Variants in PPARA observed in about 807,000 individuals in gnomAD.
PPARA encodes the protein peroxisome proliferator-activated receptor alpha.
PPARA carries 22 observed loss-of-function variants against 42.2 expected under a neutral mutation model. The ratio of observed to expected loss-of-function variants is 0.52; its 90% CI spans 0.37 to 0.74. The LOEUF (loss-of-function observed/expected upper bound fraction) is 0.74. PPARA is among the 30% of genes least tolerant of loss of function. PPARA has a pLI of 0.00. For missense variants in PPARA, 465 were observed against 608.2 expected (o/e 0.76, Z 2.48); for synonymous variants, 242 against 239.3 (o/e 1.01, Z -0.10).
At position 46,196,287 on chromosome 22, in the gene PPARA, T is replaced by A. The variant is rs1320030132; in HGVS notation, c.-42-2055T>A. ...GAAATAGCCTACCATTGTCTGGGAC[T>A]CACCCAGTTAGATTTGTTTGGACTC... On this transcript the variant is annotated intron_variant, in intron 3 of 8. Coordinates refer to ENST00000407236, the MANE Select transcript of PPARA (RefSeq NM_005036.6). This position sits in a 1 kb window ranked among gnomAD's most constrained non-coding sequence, Gnocchi z 5.6. Among the ~76,000 whole-genome samples the A allele has an allele frequency of 1.3e-5, 2 of 152,214 alleles. No individual in the cohort carries two copies. Among genetic ancestry groups the A allele is most frequent in the Admixed American group, 1.3e-4 (2 of 15,280 alleles).
At position 46,204,689 on chromosome 22, in the gene PPARA, C is replaced by T. The variant is rs2147442208; in HGVS notation, c.208+6098C>T. On this transcript the variant is annotated intron_variant, in intron 4 of 8. Transcript: ENST00000407236. The surrounding 1 kb of genome is among the most constrained non-coding windows in gnomAD (Gnocchi z 5.2). Reference sequence around the variant, plus strand: ...GTGATATTTCTGTTCAAAGCCTTTGCTCATTTTTTAATTGAGTTGCTTTTC... The same window carrying T: ...GTGATATTTCTGTTCAAAGCCTTTGTTCATTTTTTAATTGAGTTGCTTTTC... Among the ~76,000 whole-genome samples the T allele has an allele frequency of 6.6e-6, 1 of 152,204 alleles. No individual in the cohort carries two copies. Among genetic ancestry groups the T allele is most frequent in the East Asian group, 1.9e-4 (1 of 5,180 alleles).
intron 7 of PPARA, among the ~76,000 whole-genome samples, chr22:46,229,440 C>A (rs1300351442): frequency 1.3e-5 from 2 of 151,882 alleles, no homozygotes; most frequent in Non-Finnish European, 2.9e-5. Flanking sequence ...GTAATCCCAG[C>A]TACTCGGGAG....
chr22:46,195,265 C>A lies in PPARA; in HGVS notation c.-42-3077C>A, dbSNP rs974313039. Among the ~76,000 whole-genome samples the A allele has an allele frequency of 1.3e-5, 2 of 152,144 alleles. No homozygotes were observed. The highest frequency in any genetic ancestry group is 2.9e-5 in the Non-Finnish European group (2 of 68,038). On this transcript the variant is annotated intron_variant, in intron 3 of 8. Transcript: ENST00000407236. This position sits in a 1 kb window ranked among gnomAD's most constrained non-coding sequence, Gnocchi z 4.6. ...TAATACAGTTAGTTAGTGACTGCAACTTTTGAACTTTTTGTTCATAGTGAA... is the reference window on the plus strand; with the variant it reads ...TAATACAGTTAGTTAGTGACTGCAAATTTTGAACTTTTTGTTCATAGTGAA...
In PPARA at chr22:46,234,935, G is replaced by A. The variant is rs148369083; in HGVS notation, c.1160-198G>A. 6.6e-6 allele frequency among the ~76,000 whole-genome samples: 1 copy of A among 152,278 alleles called. No homozygotes were observed. The highest frequency in any genetic ancestry group is 2.4e-5 in the African/African-American group (1 of 41,566). On this transcript the variant is annotated intron_variant, in intron 8 of 8. Transcript: ENST00000407236. The surrounding 1 kb of genome is among the most constrained non-coding windows in gnomAD (Gnocchi z 5.8). ...TATGAATATTTAGGAAAGAGTACTG[G>A]TCCTGTCTGTCCCTACTTCACCTAT...
chr22:46,187,719 C>T lies in PPARA; in HGVS notation c.-42-10623C>T, dbSNP rs933087295. Among the ~76,000 whole-genome samples the T allele has an allele frequency of 2.6e-5, 4 of 152,210 alleles. No individual in the cohort carries two copies. The highest frequency in any genetic ancestry group is 9.6e-5 in the African/African-American group (4 of 41,458). On this transcript the variant is annotated intron_variant, in intron 3 of 8. Coordinates refer to ENST00000407236, the MANE Select transcript of PPARA (RefSeq NM_005036.6). The surrounding 1 kb of genome is among the most constrained non-coding windows in gnomAD (Gnocchi z 4.9). Reference sequence around the variant, plus strand: ...GGGATTAACAATGTGCCATGATTGGCACTGCTGGCCTCTCCTACCTCTGCA... The same window carrying T: ...GGGATTAACAATGTGCCATGATTGGTACTGCTGGCCTCTCCTACCTCTGCA...
intron 4 of PPARA, among the ~76,000 whole-genome samples, chr22:46,202,091 G>A (rs1282501411): frequency 2.0e-5 from 3 of 151,984 alleles, no homozygotes; most frequent in Non-Finnish European, 4.4e-5. Flanking sequence ...GAGTGGGTGG[G>A]TGTGTGGCTC....
intron 7 of PPARA, among the ~76,000 whole-genome samples, chr22:46,228,784 A>AT (rs1156978636): frequency 6.6e-6 from 1 of 151,882 alleles, no homozygotes; most frequent in African/African-American, 2.4e-5. Context: ...AGTGTTTCTT[A>AT]TTTTTTTAAA....
rs768647025 is a variant in PPARA, at chr22:46,218,361, T to C, written c.468T>C (p.Cys156=). ...AGAACAGAAACAAATGCCAGTATTG[T>C]CGATTTCACAAGTGCCTTTCTGTCG... is the stretch of plus-strand genomic sequence containing the variant. ...QKKNRNKCQY[C]RFHKCLSVGM... The change falls in exon 6 of 9, where the codon TGT becomes TGC. Residue 156 remains cysteine, a synonymous_variant. Coordinates refer to ENST00000407236, the MANE Select transcript of PPARA (RefSeq NM_005036.6). 1.2e-5 allele frequency: 19 copies of C among 1,614,014 alleles called. No individual in the cohort carries two copies. The highest frequency in any genetic ancestry group is 1.5e-5 in the Non-Finnish European group (18 of 1,180,038).
At position 46,196,019 on chromosome 22, in the gene PPARA, C is replaced by T. The variant is rs573849406; in HGVS notation, c.-42-2323C>T. ...CTGGGCAAAGGTGCAGACGTGGAAT[C>T]CTGAAAGCAATTCTCAGCGCTGCTG... is the stretch of plus-strand genomic sequence containing the variant. On this transcript the variant is annotated intron_variant, in intron 3 of 8. Transcript: ENST00000407236. The surrounding 1 kb of genome is among the most constrained non-coding windows in gnomAD (Gnocchi z 5.6). Among the ~76,000 whole-genome samples the T allele has an allele frequency of 2.0e-5, 3 of 151,994 alleles. No homozygotes were observed. The South Asian group carries it at 6.2e-4, about 32-fold the overall frequency.
intron 3 of PPARA, among the ~76,000 whole-genome samples, chr22:46,185,942 T>A (rs568901674): frequency 3.5e-4 from 17 of 48,888 alleles, no homozygotes; most frequent in African/African-American, 4.9e-4. Flanking sequence ...TATATATATA[T>A]ATATATATAT....
rs1933029754 is a variant in PPARA, at chr22:46,204,359, C to T, written c.208+5768C>T. On this transcript the variant is annotated intron_variant, in intron 4 of 8. Transcript: ENST00000407236. This position sits in a 1 kb window ranked among gnomAD's most constrained non-coding sequence, Gnocchi z 5.2. ...TGCTTTCATTTCTTTTGAATAAATA[C>T]CTAGGAGTATGACGGCTGGAACAGA... is the stretch of plus-strand genomic sequence containing the variant. 6.6e-6 allele frequency among the ~76,000 whole-genome samples: 1 copy of T among 152,182 alleles called. No individual in the cohort carries two copies. Among genetic ancestry groups the T allele is most frequent in the South Asian group, 2.1e-4 (1 of 4,832 alleles).
At chr22:46,206,440 C>G (rs1933317771) in intron 4 of PPARA, among the ~76,000 whole-genome samples, 1 of 152,132 alleles carries the variant, frequency 6.6e-6, no homozygotes, top group African/African-American at 2.4e-5. Flanking sequence ...TAAGATTCCA[C>G]TTTATCTCCT....
rs777495697 is a variant in PPARA at position 46,162,976 on chromosome 22, G to A, written c.-127+11006G>A. On this transcript the variant is annotated intron_variant, in intron 2 of 8. Transcript: ENST00000407236. The surrounding 1 kb of genome is among the most constrained non-coding windows in gnomAD (Gnocchi z 6.0). ...ACTGCGTGCCAGGCACTGTCCTGCT[G>A]TGGAAAACAGCAGGCATGATTCCCT... is the stretch of plus-strand genomic sequence containing the variant. 6.6e-6 allele frequency among the ~76,000 whole-genome samples: 1 copy of A among 152,238 alleles called. No homozygotes were observed. The highest frequency in any genetic ancestry group is 1.5e-5 in the Non-Finnish European group (1 of 68,048).
rs1734047361 is a variant in PPARA at position 46,193,470 on chromosome 22, A to G, written c.-42-4872A>G. On this transcript the variant is annotated intron_variant, in intron 3 of 8. Coordinates refer to ENST00000407236, the MANE Select transcript of PPARA (RefSeq NM_005036.6). This position sits in a 1 kb window ranked among gnomAD's most constrained non-coding sequence, Gnocchi z 5.3. ...TGGATTGTTGTAACTGAAAGGATCA[A>G]TGCTTGAGGGCACAGCTACCCCATT... Among the ~76,000 whole-genome samples, 1 of 152,234 alleles carries G rather than the reference A, an allele frequency of 6.6e-6. No homozygotes were observed. The highest frequency in any genetic ancestry group is 2.4e-5 in the African/African-American group (1 of 41,466).
In PPARA at chr22:46,182,013, A is replaced by T. The variant is rs780654931; in HGVS notation, c.-43+5177A>T. Reference sequence around the variant, plus strand: ...ACCACCACGCCTGGCTAATTTTTTTAAATTTTATTTTTAGTAGAGACGGGG... The same window carrying T: ...ACCACCACGCCTGGCTAATTTTTTTTAATTTTATTTTTAGTAGAGACGGGG... On this transcript the variant is annotated intron_variant, in intron 3 of 8. Coordinates refer to ENST00000407236, the MANE Select transcript of PPARA (RefSeq NM_005036.6). The surrounding 1 kb of genome is among the most constrained non-coding windows in gnomAD (Gnocchi z 5.2). Among the ~76,000 whole-genome samples, 56 of 152,120 alleles carry T rather than the reference A, an allele frequency of 3.7e-4. No individual in the cohort carries two copies. The highest frequency in any genetic ancestry group is 6.3e-4 in the Non-Finnish European group (43 of 68,016).
At position 46,232,540 on chromosome 22, in the gene PPARA, C is replaced by T. The variant is rs944439646; in HGVS notation, c.1159+301C>T. On this transcript the variant is annotated intron_variant, in intron 8 of 8. Coordinates refer to ENST00000407236, the MANE Select transcript of PPARA (RefSeq NM_005036.6). This position sits in a 1 kb window ranked among gnomAD's most constrained non-coding sequence, Gnocchi z 5.3. ...GGGTGCACACCTTTAGTCCCAGCTA[C>T]TTACTCAGTAGACTGAGGCAAAAGG... Among the ~76,000 whole-genome samples the T allele has an allele frequency of 6.6e-6, 1 of 151,988 alleles. No homozygotes were observed. Among genetic ancestry groups the T allele is most frequent in the Non-Finnish European group, 1.5e-5 (1 of 68,012 alleles).
chr22:46,170,790 T>C (rs1346085730), intron 2 of PPARA, among the ~76,000 whole-genome samples: 1 of 151,604 alleles, frequency 6.6e-6, no homozygotes. Flanking sequence ...CTGAGCACTT[T>C]GGAGAGGAAA....
Position 46,216,528 on chromosome 22 carries a change from A to T in PPARA, c.369+1195A>T, listed in dbSNP as rs915319474. 6.6e-6 allele frequency among the ~76,000 whole-genome samples: 1 copy of T among 152,156 alleles called. No homozygotes were observed. Among genetic ancestry groups the T allele is most frequent in the Non-Finnish European group, 1.5e-5 (1 of 68,004 alleles). On this transcript the variant is annotated intron_variant, in intron 5 of 8. Coordinates refer to ENST00000407236, the MANE Select transcript of PPARA (RefSeq NM_005036.6). This position sits in a 1 kb window ranked among gnomAD's most constrained non-coding sequence, Gnocchi z 4.5. The stretch of plus-strand genomic sequence containing the variant: ...AGGTGTTCTCATGCTCCTGCCAGGG[A>T]AATTGGCCATCAGAGACACAGAGTA...
intron 4 of PPARA, among the ~76,000 whole-genome samples, chr22:46,209,810 A>G (rs1933742995): frequency 6.6e-6 from 1 of 152,158 alleles, no homozygotes; most frequent in African/African-American, 2.4e-5. Context: ...CAGTGGCATG[A>G]TCACAGCTCA....
Sources: gnomAD v4.1 joint callset for allele counts (sites outside exome capture counted in the v4.1 genomes callset) on GRCh38, gnomAD v4.1.1 for gene constraint, Gnocchi (gnomAD v3.1) non-coding constraint, MANE v1.5 for transcripts, NCBI Gene and HGNC (gene_info 2026-07-23, HGNC 2026-07-21) for gene names.